Variants in ANO1 observed in about 807,000 individuals in gnomAD.
The protein encoded by ANO1 is anoctamin 1, also known as anoctamin-1.
In ANO1, 59 loss-of-function variants were observed where a neutral mutation model predicts 124.0. That is an observed-to-expected ratio of 0.48 (90% CI 0.39 to 0.59). ANO1 has a LOEUF of 0.59. Ranked by LOEUF, ANO1 falls within the 20% of genes least tolerant of loss-of-function variation. ANO1 has a pLI of 0.00. For synonymous variants in ANO1, 529 were observed against 532.0 expected (o/e 0.99, Z 0.08); for missense variants, 1,059 against 1,328.0 (o/e 0.80, Z 3.15).
chr11:69,987,703 G>T (rs1856074184), intron 1 of ANO1, among the ~76,000 whole-genome samples: 1 of 151,256 alleles, frequency 6.6e-6, no homozygotes, highest in South Asian at 2.1e-4. Context: ...CCCCACCCCA[G>T]GCAGAATCAC....
At chr11:70,128,438 TCTTC>T (rs1029724041) in intron 10 of ANO1, among the ~76,000 whole-genome samples, 9 of 152,210 alleles carry the variant, frequency 5.9e-5, no homozygotes, top group Admixed American at 2.0e-4. Context: ...GGGACCTCCA[TCTTC>T]CTTCCTTCCT....
At chr11:70,165,878 G>A (rs2048236767) in intron 20 of ANO1, among the ~76,000 whole-genome samples, 1 of 152,170 alleles carries the variant, frequency 6.6e-6, no homozygotes, top group South Asian at 2.1e-4. Context: ...AAGTTAGCCA[G>A]GTGTGCTGGT....
chr11:69,989,371 A>C (rs1161219788), intron 1 of ANO1, among the ~76,000 whole-genome samples: 1 of 152,142 alleles, frequency 6.6e-6, no homozygotes, highest in Non-Finnish European at 1.5e-5. Flanking sequence ...GGTGTGGGAA[A>C]ACACCTGAAA....
At chr11:70,074,786 G>T (rs1319738026), upstream of ANO1, 1 of 152,214 alleles carries the variant, frequency 6.6e-6, no homozygotes, top group Non-Finnish European at 1.5e-5. Flanking sequence ...GGTCACCAGG[G>T]TGCCTGCAAA....
chr11:70,104,249 A>G (rs1225531514), intron 4 of ANO1, 99 bp downstream of exon 4: 12 of 1,359,866 alleles, frequency 8.8e-6, no homozygotes, highest in Non-Finnish European at 1.2e-5. Context: ...TCCCCCAAAG[A>G]AGAGCGTGTT....
intron 11 of ANO1, among the ~76,000 whole-genome samples, chr11:70,140,252 G>A (rs942804709): frequency 2.6e-5 from 4 of 152,130 alleles, no homozygotes; most frequent in East Asian, 1.9e-4. Context: ...AGGAGTGGCC[G>A]GGCTCAGTGA....
intron 2 of ANO1, among the ~76,000 whole-genome samples, chr11:70,089,585 G>A (rs892399754): frequency 2.0e-5 from 3 of 152,124 alleles, no homozygotes; most frequent in African/African-American, 7.2e-5. Flanking sequence ...TTGTGAGTTC[G>A]GCCACCCAGA....
chr11:70,117,672 C>T (rs376176233), intron 8 of ANO1, among the ~76,000 whole-genome samples: 7 of 152,298 alleles, frequency 4.6e-5, no homozygotes, highest in African/African-American at 1.7e-4. Context: ...CTGGACCCTG[C>T]ATGTGCAGCC....
intron 8 of ANO1, among the ~76,000 whole-genome samples, chr11:70,123,905 G>A (rs975364098): frequency 2.0e-5 from 3 of 152,162 alleles, no homozygotes; most frequent in African/African-American, 7.2e-5. Context: ...CAGGGTGTGT[G>A]TCAATTTCAC....
intron 1 of ANO1, among the ~76,000 whole-genome samples, chr11:69,988,049 C>A (rs1856083080): frequency 6.6e-6 from 1 of 152,194 alleles, no homozygotes; most frequent in African/African-American, 2.4e-5. Flanking sequence ...AGCCTCGGTT[C>A]TTGGGTTTGC....
At chr11:70,119,572 G>A (rs2046161661) in intron 8 of ANO1, among the ~76,000 whole-genome samples, 1 of 151,114 alleles carries the variant, frequency 6.6e-6, no homozygotes. Context: ...AATGATGGTT[G>A]ATGGGTAGAT....
intron 16 of ANO1, among the ~76,000 whole-genome samples, chr11:70,160,334 G>A (rs560469018): frequency 6.6e-6 from 1 of 152,020 alleles, no homozygotes; most frequent in East Asian, 1.9e-4. Flanking sequence ...GCTCAGAATG[G>A]GGCATCCACA....
chr11:70,068,279 CG>C (rs1555008886), intron 1 of ANO1, among the ~76,000 whole-genome samples: 1 of 152,164 alleles, frequency 6.6e-6, no homozygotes, highest in East Asian at 1.9e-4. Context: ...TTGGTTGAAT[CG>C]GGTAAAAATT....
At chr11:70,024,835 G>C (rs193197288) in intron 1 of ANO1, among the ~76,000 whole-genome samples, 1,784 of 72,442 alleles carry the variant, frequency 0.025, 45 homozygotes, top group African/African-American at 0.06. Flanking sequence ...GGCCTAGCAG[G>C]GGGGCACATA....
chr11:69,971,467 G>A, the ANO1 span, among the ~76,000 whole-genome samples: 1 of 152,266 alleles, frequency 6.6e-6, no homozygotes, highest in South Asian at 2.1e-4. Context: ...AATTTGTATA[G>A]AGGCCACTTG....
intron 1 of ANO1, among the ~76,000 whole-genome samples, chr11:70,036,999 G>C (rs1857105439): frequency 6.6e-6 from 1 of 152,222 alleles, no homozygotes; most frequent in Non-Finnish European, 1.5e-5. Context: ...GGCAGCAGCT[G>C]TGCCTGACTG....
chr11:69,971,218 G>A, the ANO1 span, among the ~76,000 whole-genome samples: 1 of 152,184 alleles, frequency 6.6e-6, no homozygotes, highest in Non-Finnish European at 1.5e-5. Flanking sequence ...CTGAGTCTCA[G>A]TTTCCTCATC....
intron 1 of ANO1, among the ~76,000 whole-genome samples, chr11:70,048,266 T>C (rs1857291186): frequency 6.6e-6 from 1 of 152,236 alleles, no homozygotes; most frequent in Non-Finnish European, 1.5e-5. Flanking sequence ...CATTTTCCTA[T>C]TTAATAATCT....
rs148263634 is a variant in ANO1 at position 70,122,927 on chromosome 11, G to A, written c.898-1423G>A. On this transcript the variant is annotated intron_variant, in intron 8 of 25. Transcript: ENST00000355303. ...CAGAGGTGTGGCTCCGCTTCATCAA[G>A]GTTTGCTGGCCGAGGCTTCCCTATG... is the stretch of plus-strand genomic sequence containing the variant. 3.3e-4 allele frequency among the ~76,000 whole-genome samples: 51 copies of A among 152,330 alleles called. No individual in the cohort carries two copies. The East Asian group carries it at 7.7e-3, about 23-fold the overall frequency.
Sources: gnomAD v4.1 joint callset for allele counts (sites outside exome capture counted in the v4.1 genomes callset) on GRCh38, gnomAD v4.1.1 for gene constraint, MANE v1.5 for transcripts, NCBI Gene and HGNC (gene_info 2026-07-23, HGNC 2026-07-21) for gene names.